SERGEF: variants seen among roughly 807,000 people sequenced by gnomAD.
SERGEF encodes secretion regulating guanine nucleotide exchange factor, also known as secretion-regulating guanine nucleotide exchange factor.
SERGEF carries 51 observed loss-of-function variants against 50.0 expected under a neutral mutation model. That is an observed-to-expected ratio of 1.02 (90% CI 0.81 to 1.29). The LOEUF is 1.29. Ranked by LOEUF, SERGEF falls within the 50% of genes most tolerant of loss-of-function variation. The pLI is 0.00. For missense variants in SERGEF, 521 were observed against 557.0 expected (o/e 0.94, Z 0.65); for synonymous variants, 205 against 212.4 (o/e 0.97, Z 0.30).
At chr11:17,792,838 C>A (rs539541196) in intron 10 of SERGEF, among the ~76,000 whole-genome samples, 1 of 152,260 alleles carries the variant, frequency 6.6e-6, no homozygotes, top group African/African-American at 2.4e-5. Context: ...CTATAAGGGG[C>A]AGATAGGAAA....
At chr11:17,895,530 T>C (rs940287259) in intron 9 of SERGEF, among the ~76,000 whole-genome samples, 3 of 152,222 alleles carry the variant, frequency 2.0e-5, no homozygotes, top group Non-Finnish European at 4.4e-5. Flanking sequence ...GTCCAGTTCC[T>C]AGCTGAGTGA....
At chr11:17,918,663 C>CACACACACA (rs1565204600) in intron 9 of SERGEF, 2 of 241,090 alleles carry the variant, frequency 8.3e-6, no homozygotes, top group East Asian at 1.2e-4. Flanking sequence ...TACACACACA[C>CACACACACA]TCTCTCTCTC....
At chr11:17,922,645 C>T (rs892884214) in intron 9 of SERGEF, among the ~76,000 whole-genome samples, 1 of 152,130 alleles carries the variant, frequency 6.6e-6, no homozygotes, top group Non-Finnish European at 1.5e-5. Context: ...CCCCTGAGAA[C>T]AAGCAGAACA....
At chr11:17,850,098 A>G (rs1850685410) in intron 10 of SERGEF, among the ~76,000 whole-genome samples, 1 of 152,142 alleles carries the variant, frequency 6.6e-6, no homozygotes, top group Non-Finnish European at 1.5e-5. Context: ...AGGAGAAGAG[A>G]ACACATGCGA....
At chr11:17,943,857 CT>C (rs1441709403) in intron 9 of SERGEF, among the ~76,000 whole-genome samples, 11 of 152,160 alleles carry the variant, frequency 7.2e-5, no homozygotes, top group Non-Finnish European at 1.5e-4. Flanking sequence ...TTACAATTAA[CT>C]CATATTCCCA....
chr11:17,918,661 C>T, intron 9 of SERGEF: 12 of 446,518 alleles, frequency 2.7e-5, no homozygotes, highest in Non-Finnish European at 4.5e-5. Context: ...CATACACACA[C>T]ACTCTCTCTC....
intron 10 of SERGEF, among the ~76,000 whole-genome samples, chr11:17,850,109 G>T (rs987252561): frequency 2.0e-5 from 3 of 152,122 alleles, no homozygotes; most frequent in African/African-American, 7.2e-5. Flanking sequence ...ACACATGCGA[G>T]AGAGAGCTTA....
chr11:17,936,505 T>C (rs2133952094), intron 9 of SERGEF, among the ~76,000 whole-genome samples: 1 of 152,342 alleles, frequency 6.6e-6, no homozygotes, highest in African/African-American at 2.4e-5. Context: ...GTTTTCAATG[T>C]GTTTTCATAT....
rs777969220 is a variant in SERGEF, at chr11:18,007,934, A to G, written c.196+7T>C. ...ATGAGTGACTATCTACTTTTGAAGG[A>G]AATTACCTGTGACAACTGCAGAGTG... On this transcript the variant is annotated splice_region_variant and intron_variant, in intron 2 of 10. Coordinates refer to ENST00000265965, the MANE Select transcript of SERGEF (RefSeq NM_012139.4). 11 of 1,609,468 alleles carry G rather than the reference A, an allele frequency of 6.8e-6. No homozygotes were observed. The South Asian group carries it at 1.0e-4, about 15-fold the overall frequency.
intron 1 of SERGEF, among the ~76,000 whole-genome samples, chr11:18,012,252 G>A (rs957061904): frequency 2.0e-5 from 3 of 152,180 alleles, no homozygotes; most frequent in Non-Finnish European, 2.9e-5. Flanking sequence ...ATTGTGATAC[G>A]TGCTATGAAG....
chr11:17,820,646 A>G (rs1167941080), intron 10 of SERGEF, among the ~76,000 whole-genome samples: 1 of 152,236 alleles, frequency 6.6e-6, no homozygotes, highest in Non-Finnish European at 1.5e-5. Flanking sequence ...GGGTTGAACA[A>G]TGGTCCTCCA....
intron 10 of SERGEF, among the ~76,000 whole-genome samples, chr11:17,792,371 T>C (rs1400997821): frequency 6.6e-6 from 1 of 152,226 alleles, no homozygotes; most frequent in East Asian, 1.9e-4. Context: ...GCACCTGGTA[T>C]GGGCTTTGTG....
intron 1 of SERGEF, among the ~76,000 whole-genome samples, chr11:18,008,658 T>G (rs1408500891): frequency 6.6e-6 from 1 of 151,896 alleles, no homozygotes; most frequent in Non-Finnish European, 1.5e-5. Flanking sequence ...TTCTTCTGAC[T>G]GAGAACAAGA....
intron 9 of SERGEF, among the ~76,000 whole-genome samples, chr11:17,882,452 T>C (rs978268904): frequency 1.1e-4 from 16 of 150,922 alleles, no homozygotes; most frequent in Non-Finnish European, 1.9e-4. Flanking sequence ...AAAAAGACTG[T>C]TCAAACATCA....
At chr11:17,789,137 G>A (rs1465489820) in intron 10 of SERGEF, among the ~76,000 whole-genome samples, 1 of 152,150 alleles carries the variant, frequency 6.6e-6, no homozygotes, top group Non-Finnish European at 1.5e-5. Flanking sequence ...TCAGTTTACT[G>A]GGCTTCCAGA....
intron 8 of SERGEF, among the ~76,000 whole-genome samples, chr11:17,969,760 T>C (rs1267668125): frequency 6.6e-6 from 1 of 152,174 alleles, no homozygotes; most frequent in Non-Finnish European, 1.5e-5. Context: ...GTGAGTACCA[T>C]ATCTATGTGA....
chr11:17,889,828 T>A (rs1437126138), intron 9 of SERGEF, among the ~76,000 whole-genome samples: 1 of 152,090 alleles, frequency 6.6e-6, no homozygotes, highest in Non-Finnish European at 1.5e-5. Context: ...GAGTTTGAAA[T>A]CATTTCAAAA....
At chr11:17,788,656 G>A (rs140883904) in intron 10 of SERGEF, among the ~76,000 whole-genome samples, 63 of 152,100 alleles carry the variant, frequency 4.1e-4, no homozygotes, top group African/African-American at 1.3e-3. Context: ...TGTTCCAAGC[G>A]TGGCTTTCCT....
intron 9 of SERGEF, among the ~76,000 whole-genome samples, chr11:17,945,571 A>C (rs1205067060): frequency 6.6e-6 from 1 of 152,242 alleles, no homozygotes; most frequent in Non-Finnish European, 1.5e-5. Context: ...AGAAAGTTCT[A>C]CTGGACAGCA....
Sources: allele counts gnomAD v4.1 joint callset (sites outside exome capture counted in the v4.1 genomes callset), GRCh38; gene constraint gnomAD v4.1.1; transcripts MANE v1.5; gene names NCBI Gene and HGNC (gene_info 2026-07-23, HGNC 2026-07-21).